Variants in PRSS23 observed in about 807,000 individuals in gnomAD.
The protein encoded by PRSS23 is serine protease 23.
PRSS23 carries 25 observed loss-of-function variants against 34.7 expected under a neutral mutation model. That is an observed-to-expected ratio of 0.72 (90% CI 0.53 to 1.01). The LOEUF (loss-of-function observed/expected upper bound fraction) is 1.01. Among genes scored for constraint, PRSS23 ranks in the 50% least tolerant of loss-of-function variants. The pLI, the probability that PRSS23 is intolerant of heterozygous loss-of-function variation, is 0.00. For synonymous variants in PRSS23, 176 were observed against 186.6 expected (o/e 0.94, Z 0.46); for missense variants, 445 against 475.6 (o/e 0.94, Z 0.60).
intron 2 of PRSS23, among the ~76,000 whole-genome samples, chr11:86,828,947 T>C (rs1239543137): frequency 6.6e-6 from 1 of 152,086 alleles, no homozygotes; most frequent in South Asian, 2.1e-4. Context: ...TCATTTCAAC[T>C]TTGGTGAATC....
At chr11:86,928,618 T>C (rs1256254950) in intron 2 of PRSS23, among the ~76,000 whole-genome samples, 3 of 129,442 alleles carry the variant, frequency 2.3e-5, no homozygotes, top group Non-Finnish European at 4.6e-5. Flanking sequence ...GAGCTTGCAG[T>C]GAGCCGAGAT....
chr11:86,918,698 T>C (rs979719846), intron 2 of PRSS23, among the ~76,000 whole-genome samples: 8 of 152,236 alleles, frequency 5.3e-5, no homozygotes, highest in African/African-American at 1.9e-4. Context: ...CGAGGACATA[T>C]ACCAGGTGTT....
intron 2 of PRSS23, among the ~76,000 whole-genome samples, chr11:86,844,188 C>G (rs1197913721): frequency 1.3e-5 from 2 of 152,208 alleles, no homozygotes; most frequent in Non-Finnish European, 2.9e-5. Context: ...ACCACAAGTT[C>G]TCACTCAGGT....
At chr11:86,879,450 G>A (rs1565374573) in intron 2 of PRSS23, among the ~76,000 whole-genome samples, 1 of 151,898 alleles carries the variant, frequency 6.6e-6, no homozygotes, top group Non-Finnish European at 1.5e-5. Flanking sequence ...CGGGAGGGAG[G>A]TGGGGGTCAG....
At chr11:86,868,667 C>T (rs1373835066) in intron 2 of PRSS23, among the ~76,000 whole-genome samples, 1 of 152,162 alleles carries the variant, frequency 6.6e-6, no homozygotes, top group African/African-American at 2.4e-5. Flanking sequence ...TCACATCTTA[C>T]TCTGGGAGGA....
intron 2 of PRSS23, among the ~76,000 whole-genome samples, chr11:86,939,431 T>TTTTTTTAAAATATATATATA: frequency 7.1e-6 from 1 of 141,760 alleles, no homozygotes; most frequent in Admixed American, 7.0e-5. Context: ...TATATATTTT[T>TTTTTTTAAAATATATATATA]TAACATGAGT....
chr11:86,857,957 C>A (rs910619135), intron 2 of PRSS23: 4 of 402,108 alleles, frequency 9.9e-6, no homozygotes, highest in Non-Finnish European at 2.0e-5. Flanking sequence ...CTCCCAGTAT[C>A]GCAGGGGGTT....
At chr11:86,922,534 A>G (rs1949053809) in intron 2 of PRSS23, among the ~76,000 whole-genome samples, 1 of 152,214 alleles carries the variant, frequency 6.6e-6, no homozygotes, top group Non-Finnish European at 1.5e-5. Context: ...CACCATCACT[A>G]TGAAGATTAA....
intron 2 of PRSS23, among the ~76,000 whole-genome samples, chr11:86,898,540 C>T (rs1274225295): frequency 2.0e-5 from 3 of 152,220 alleles, no homozygotes; most frequent in Admixed American, 6.5e-5. Flanking sequence ...TCACTTTCCT[C>T]ATTGTCTGGG....
At chr11:86,939,426 A>ATATATATTTTTTTTTTT in intron 2 of PRSS23, among the ~76,000 whole-genome samples, 29 of 94,068 alleles carry the variant, frequency 3.1e-4, no homozygotes, top group East Asian at 2.1e-3. Flanking sequence ...ATATATATAT[A>ATATATATTTTTTTTTTT]TTTTTTAACA....
intron 2 of PRSS23, among the ~76,000 whole-genome samples, chr11:86,908,788 T>C (rs1948959785): frequency 6.6e-6 from 1 of 152,076 alleles, no homozygotes; most frequent in Non-Finnish European, 1.5e-5. Context: ...TTTTCAACTA[T>C]TGTAATGGTT....
At chr11:86,840,249 G>A (rs1948437657) in intron 2 of PRSS23, among the ~76,000 whole-genome samples, 1 of 152,112 alleles carries the variant, frequency 6.6e-6, no homozygotes, top group East Asian at 1.9e-4. Context: ...TAAAAGGATG[G>A]AGGAAGATCT....
At chr11:86,865,788 A>G (rs1443964339) in intron 2 of PRSS23, among the ~76,000 whole-genome samples, 2 of 152,222 alleles carry the variant, frequency 1.3e-5, no homozygotes, top group East Asian at 3.8e-4. Context: ...CTCCTTGGAA[A>G]CATCAAGACC....
intron 2 of PRSS23, among the ~76,000 whole-genome samples, chr11:86,825,259 T>C (rs1948290258): frequency 6.6e-6 from 1 of 151,776 alleles, no homozygotes; most frequent in South Asian, 2.1e-4. Flanking sequence ...CATGTGTCTT[T>C]TGGCTGCATA....
At chr11:86,843,847 A>G (rs899039430) in intron 2 of PRSS23, among the ~76,000 whole-genome samples, 3 of 152,222 alleles carry the variant, frequency 2.0e-5, no homozygotes, top group African/African-American at 7.2e-5. Context: ...ATTGTGGAAG[A>G]CAGTGTGGCA....
intron 2 of PRSS23, among the ~76,000 whole-genome samples, chr11:86,919,869 T>C (rs1024528192): frequency 1.3e-5 from 2 of 152,202 alleles, no homozygotes; most frequent in Non-Finnish European, 2.9e-5. Context: ...CTGGCCCACC[T>C]ACCCTAGCAG....
intron 2 of PRSS23, chr11:86,911,443 A>G (rs982534470): frequency 5.3e-5 from 8 of 152,154 alleles, no homozygotes; most frequent in African/African-American, 1.7e-4. Context: ...CAAAACTTCC[A>G]ACAGGTAGTT....
At chr11:86,867,468 A>G (rs193026929) in intron 2 of PRSS23, among the ~76,000 whole-genome samples, 1 of 152,338 alleles carries the variant, frequency 6.6e-6, no homozygotes, top group East Asian at 1.9e-4. Flanking sequence ...TGTAGAGTGT[A>G]CATACTGAGG....
chr11:86,824,870 A>G (rs1948286795), intron 2 of PRSS23, among the ~76,000 whole-genome samples: 1 of 152,058 alleles, frequency 6.6e-6, no homozygotes, highest in Non-Finnish European at 1.5e-5. Flanking sequence ...TTCTTAATCT[A>G]GTCTGTCATT....
Sources: allele counts gnomAD v4.1 joint callset (sites outside exome capture counted in the v4.1 genomes callset), GRCh38; gene constraint gnomAD v4.1.1; transcripts MANE v1.5; gene names NCBI Gene and HGNC (gene_info 2026-07-23, HGNC 2026-07-21).